CSMD1: variants seen among roughly 807,000 people sequenced by gnomAD.
CSMD1 encodes CUB and Sushi multiple domains 1, also known as CUB and sushi domain-containing protein 1.
CSMD1 carries 213 observed loss-of-function variants against 417.5 expected under a neutral mutation model. The ratio of observed to expected loss-of-function variants is 0.51; its 90% CI spans 0.46 to 0.57. The LOEUF (loss-of-function observed/expected upper bound fraction) is 0.57. Among genes scored for constraint, CSMD1 ranks in the 20% least tolerant of loss-of-function variants. The pLI is 0.00. For missense variants in CSMD1, 6,923 were observed against 4,529.7 expected, an observed-to-expected ratio of 1.53 and a Z score of -15.17; for synonymous variants, 2,862 against 1,736.8, an observed-to-expected ratio of 1.65 and a Z score of -16.11.
chr8:3,555,555 G>C (rs1003829708), intron 10 of CSMD1, among the ~76,000 whole-genome samples: 1 of 152,166 alleles, frequency 6.6e-6, no homozygotes, highest in Non-Finnish European at 1.5e-5. Context: ...TTAAACGCTT[G>C]CTTCACTGAA....
At chr8:3,213,147 A>C (rs985044912) in intron 30 of CSMD1, among the ~76,000 whole-genome samples, 1 of 152,130 alleles carries the variant, frequency 6.6e-6, no homozygotes, top group Non-Finnish European at 1.5e-5. Context: ...AATATTTAAA[A>C]TGTTTATTTG....
chr8:4,083,043 T>G (rs1253678313), intron 3 of CSMD1, among the ~76,000 whole-genome samples: 2 of 152,120 alleles, frequency 1.3e-5, no homozygotes, highest in African/African-American at 4.8e-5. Context: ...GTTCCAAGTC[T>G]TTGCTATTGT....
intron 10 of CSMD1, among the ~76,000 whole-genome samples, chr8:3,552,278 T>C (rs1798950129): frequency 1.3e-5 from 2 of 152,078 alleles, no homozygotes; most frequent in Non-Finnish European, 1.5e-5. Flanking sequence ...TGAATACTAA[T>C]CTAAATATGC....
At chr8:4,382,418 G>A (rs1803160727) in intron 3 of CSMD1, among the ~76,000 whole-genome samples, 1 of 152,166 alleles carries the variant, frequency 6.6e-6, no homozygotes, top group Non-Finnish European at 1.5e-5. Flanking sequence ...AAGCAAATTA[G>A]CTGTCCTATT....
intron 1 of CSMD1, among the ~76,000 whole-genome samples, chr8:4,901,266 A>T (rs1370728116): frequency 6.6e-6 from 1 of 152,190 alleles, no homozygotes; most frequent in Non-Finnish European, 1.5e-5. Context: ...CCTCTAGAAA[A>T]CAAAACTACA....
chr8:4,163,405 G>C (rs1330575000), intron 3 of CSMD1, among the ~76,000 whole-genome samples: 1 of 152,114 alleles, frequency 6.6e-6, no homozygotes, highest in African/African-American at 2.4e-5. Flanking sequence ...TACATTGTTG[G>C]TGTTATGGAT....
At chr8:4,303,665 T>C (rs528407568) in intron 3 of CSMD1, among the ~76,000 whole-genome samples, 4 of 152,202 alleles carry the variant, frequency 2.6e-5, no homozygotes, top group East Asian at 3.9e-4. Flanking sequence ...ATTTTTTATT[T>C]ATTTTTTTGA....
At chr8:4,309,166 G>A (rs1798420230) in intron 3 of CSMD1, among the ~76,000 whole-genome samples, 1 of 152,122 alleles carries the variant, frequency 6.6e-6, no homozygotes, top group Non-Finnish European at 1.5e-5. Context: ...ACTTTCTGAA[G>A]ATGTGTGGAG....
intron 3 of CSMD1, among the ~76,000 whole-genome samples, chr8:4,384,493 G>A (rs1190468992): frequency 2.6e-5 from 4 of 152,102 alleles, no homozygotes; most frequent in African/African-American, 9.7e-5. Context: ...TGAATTTGTT[G>A]ATCAAATAGT....
chr8:3,981,943 A>G (rs560822932), intron 5 of CSMD1, among the ~76,000 whole-genome samples: 40 of 152,124 alleles, frequency 2.6e-4, no homozygotes, highest in African/African-American at 9.2e-4. Flanking sequence ...AGGCCGAGGC[A>G]GGTGGATCAC....
intron 3 of CSMD1, among the ~76,000 whole-genome samples, chr8:4,165,349 A>T (rs780172051): frequency 6.6e-6 from 1 of 152,264 alleles, no homozygotes; most frequent in Non-Finnish European, 1.5e-5. Context: ...GTGTCCCACA[A>T]ATTCCTTAGG....
intron 10 of CSMD1, among the ~76,000 whole-genome samples, chr8:3,566,928 C>T (rs555305331): frequency 5.9e-5 from 9 of 152,170 alleles, no homozygotes; most frequent in African/African-American, 1.9e-4. Flanking sequence ...TTACTGGGTA[C>T]ATACCCAAAA....
chr8:3,667,814 A>G (rs1019952138), intron 7 of CSMD1, among the ~76,000 whole-genome samples: 1 of 152,170 alleles, frequency 6.6e-6, no homozygotes, highest in Non-Finnish European at 1.5e-5. Context: ...CCCAGGGCAA[A>G]TTCATGAACA....
At chr8:3,448,426 A>AGGGAG (rs532643101) in intron 12 of CSMD1, among the ~76,000 whole-genome samples, 2 of 96,134 alleles carry the variant, frequency 2.1e-5, no homozygotes, top group South Asian at 4.0e-4. Context: ...AAGGGAAGGA[A>AGGGAG]GAAGGAGCAA....
chr8:3,444,345 G>C (rs1422080258), intron 12 of CSMD1, among the ~76,000 whole-genome samples: 4 of 152,108 alleles, frequency 2.6e-5, no homozygotes, highest in Non-Finnish European at 5.9e-5. Flanking sequence ...GGCAAAATTA[G>C]CACAATTTTA....
intron 54 of CSMD1, among the ~76,000 whole-genome samples, chr8:2,995,278 A>C (rs1020357336): frequency 1.3e-5 from 2 of 152,240 alleles, no homozygotes; most frequent in African/African-American, 4.8e-5. Context: ...ACAGATGGGA[A>C]TAATCACCAG....
intron 10 of CSMD1, among the ~76,000 whole-genome samples, chr8:3,504,139 A>C (rs903982888): frequency 6.6e-6 from 1 of 152,178 alleles, no homozygotes; most frequent in African/African-American, 2.4e-5. Context: ...TGAAGTGATG[A>C]ATATGTTAAT....
At chr8:4,234,484 C>A (rs546461759) in intron 3 of CSMD1, among the ~76,000 whole-genome samples, 4 of 152,110 alleles carry the variant, frequency 2.6e-5, no homozygotes, top group African/African-American at 9.7e-5. Context: ...ACCTGCTTAT[C>A]CTTGAGGTCT....
chr8:4,001,587 G>C (rs932046191), intron 4 of CSMD1, among the ~76,000 whole-genome samples: 11 of 152,180 alleles, frequency 7.2e-5, no homozygotes, highest in African/African-American at 2.4e-4. Flanking sequence ...CAGTGGCTGA[G>C]CTGGATAAAC....
Sources: gnomAD v4.1 joint callset for allele counts (sites outside exome capture counted in the v4.1 genomes callset) on GRCh38, gnomAD v4.1.1 for gene constraint, MANE v1.5 for transcripts, NCBI Gene and HGNC (gene_info 2026-07-23, HGNC 2026-07-21) for gene names.